The following FRMPD1 variants were observed in gnomAD, a reference collection of about 807,000 sequenced individuals.
FRMPD1 encodes FERM and PDZ domain containing 1.
Under a neutral mutation model 117.8 loss-of-function variants are expected in FRMPD1, and 76 were observed. The observed-to-expected ratio is 0.65, with a 90% confidence interval of 0.54 to 0.78. FRMPD1 has a LOEUF of 0.78. Among genes scored for constraint, FRMPD1 ranks in the 30% least tolerant of loss-of-function variants. FRMPD1 has a pLI of 0.00. For synonymous variants in FRMPD1, 783 were observed against 770.4 expected (o/e 1.02, Z -0.27); for missense variants, 1,786 against 1,964.5 (o/e 0.91, Z 1.72).
At chr9:37,654,215 A>G (rs554283059) in intron 1 of FRMPD1, among the ~76,000 whole-genome samples, 38 of 152,338 alleles carry the variant, frequency 2.5e-4, no homozygotes, top group Admixed American at 3.9e-4. Flanking sequence ...TAAGGTAACT[A>G]CAGGTTGTGC....
intron 2 of FRMPD1, among the ~76,000 whole-genome samples, chr9:37,697,656 T>C (rs1033795952): frequency 6.6e-6 from 1 of 152,192 alleles, no homozygotes; most frequent in African/African-American, 2.4e-5. Flanking sequence ...AATAATGCAA[T>C]GCAAACTGCT....
rs149646564 is a variant in FRMPD1 at position 37,707,456 on chromosome 9, A to G, written c.142A>G (p.Thr48Ala). 5.6e-6 allele frequency: 9 copies of G among 1,613,984 alleles called. No homozygotes were observed. In the African/African-American group the frequency reaches 6.7e-5, roughly 12 times the overall value. The part of the protein sequence containing the change: ...AAADGPARNP[T>A]QTLIPVRHTV... The stretch of plus-strand genomic sequence containing the variant: ...AGCTGATGGGCCCGCCAGGAACCCA[A>G]CTCAGACCCTCATCCCTGTGCGACA... Residue 48 changes from threonine to alanine, a missense_variant, in exon 3 of 16, where the codon ACT becomes GCT. Physicochemically the swap from Thr to Ala is moderately conservative, Grantham distance 58 (BLOSUM62 0). Transcript: ENST00000377765.
intron 2 of FRMPD1, among the ~76,000 whole-genome samples, chr9:37,697,515 C>A (rs1380252108): frequency 4.0e-5 from 6 of 151,300 alleles, no homozygotes; most frequent in African/African-American, 1.5e-4. Flanking sequence ...TGCAGTGAGC[C>A]GAGATAGCGC....
the FRMPD1 span, among the ~76,000 whole-genome samples, chr9:37,626,395 C>T: frequency 2.0e-5 from 3 of 149,312 alleles, no homozygotes; most frequent in African/African-American, 7.4e-5. Flanking sequence ...GTCCCAGCTA[C>T]TTGGGAGGCT....
At position 37,698,425 on chromosome 9, in the gene FRMPD1, G is replaced by A. The variant is rs531401403; in HGVS notation, c.101+5683G>A. On this transcript the variant is annotated intron_variant, in intron 2 of 15. Transcript: ENST00000377765. ...CCTTTATTGTATGTGAAATTCTGGC[G>A]TCTGTGAGTGGGAGATTGGACCTGT... Among the ~76,000 whole-genome samples the A allele has an allele frequency of 7.2e-5, 11 of 151,962 alleles. No homozygotes were observed. The East Asian group carries it at 1.2e-3, about 16-fold the overall frequency.
intron 1 of FRMPD1, among the ~76,000 whole-genome samples, chr9:37,679,015 C>G (rs886947688): frequency 6.6e-6 from 1 of 152,258 alleles, no homozygotes; most frequent in Admixed American, 6.5e-5. Context: ...CTCCCCTGAC[C>G]TAGAGGTGAT....
chr9:37,739,721 A>G (rs1824292209), intron 14 of FRMPD1, among the ~76,000 whole-genome samples: 1 of 152,214 alleles, frequency 6.6e-6, no homozygotes, highest in African/African-American at 2.4e-5. Context: ...CAGGCAGGAT[A>G]GAACTGAGGT....
Position 37,744,969 on chromosome 9 carries a change from A to C in FRMPD1, c.2937A>C (p.Pro979=), listed in dbSNP as rs1588977811. The C allele has an allele frequency of 6.2e-7, 1 of 1,614,200 alleles. No homozygotes were observed. Among genetic ancestry groups the C allele is most frequent in the East Asian group, 2.2e-5 (1 of 44,888 alleles). ...GTTCTAACCCAGGTTCATCTGGCCC[A>C]GATACTGCTCAGGCAAGGCCTTCCC... ...PHCSNPGSSG[P]DTAQARPSQI... is the part of the protein sequence containing the mutation. The change falls in exon 16 of 16, where the codon CCA becomes CCC. Residue 979 remains proline, a synonymous_variant. Coordinates refer to ENST00000377765, the MANE Select transcript of FRMPD1 (RefSeq NM_014907.3).
rs1463014388 is a variant in FRMPD1 at position 37,728,677 on chromosome 9, T to C, written c.613-1051T>C. On this transcript the variant is annotated intron_variant, in intron 7 of 15. Transcript: ENST00000377765. ...ACTGGGGTTCAAAAGTGTCCCTCAG[T>C]TGTGGCTGGACGTGGTGGCTCATTC... is the stretch of plus-strand genomic sequence containing the variant. Among the ~76,000 whole-genome samples the C allele has an allele frequency of 2.6e-5, 4 of 152,092 alleles. No homozygotes were observed. In the East Asian group the frequency reaches 7.7e-4, roughly 29 times the overall value.
intron 5 of FRMPD1, among the ~76,000 whole-genome samples, chr9:37,713,601 A>G (rs1822991541): frequency 6.7e-6 from 1 of 148,198 alleles, no homozygotes; most frequent in Non-Finnish European, 1.5e-5. Flanking sequence ...ATATATATGT[A>G]GAGAGAGAGA....
the FRMPD1 span, among the ~76,000 whole-genome samples, chr9:37,633,276 A>G: frequency 6.6e-6 from 1 of 152,078 alleles, no homozygotes; most frequent in Admixed American, 6.6e-5. Context: ...CTTGATCTCA[A>G]GTGATTCGCC....
chr9:37,622,755 A>G, the FRMPD1 span, among the ~76,000 whole-genome samples: 1 of 152,236 alleles, frequency 6.6e-6, no homozygotes, highest in Non-Finnish European at 1.5e-5. Context: ...AAATAAATAC[A>G]TTGCAGTAGT....
intron 1 of FRMPD1, among the ~76,000 whole-genome samples, chr9:37,687,616 C>T (rs1036748025): frequency 1.3e-5 from 2 of 152,178 alleles, no homozygotes; most frequent in African/African-American, 4.8e-5. Flanking sequence ...ACACTATAAC[C>T]TACATTCTTG....
chr9:37,735,782 C>A, intron 13 of FRMPD1, 48 bp downstream of exon 13: 1 of 1,350,624 alleles, frequency 7.4e-7, no homozygotes, highest in Non-Finnish European at 1.1e-6. Flanking sequence ...GAATTTGGGG[C>A]CAAATAGGGG....
At chr9:37,736,531 CA>C (rs57388208) in intron 13 of FRMPD1, among the ~76,000 whole-genome samples, 23,918 of 88,512 alleles carry the variant, frequency 0.27, 1,957 homozygotes, top group African/African-American at 0.31. Context: ...AACTCTGTCT[CA>C]AAAAAAAAAA....
At chr9:37,724,374 G>T in intron 7 of FRMPD1, 54 bp downstream of exon 7, 1 of 925,644 alleles carries the variant, frequency 1.1e-6, no homozygotes. Flanking sequence ...CTGGCTGCTA[G>T]GACCCCCCAG....
At chr9:37,690,358 A>G (rs190175793) in intron 1 of FRMPD1, among the ~76,000 whole-genome samples, 1 of 152,136 alleles carries the variant, frequency 6.6e-6, no homozygotes, top group Admixed American at 6.5e-5. Flanking sequence ...CATGAATATA[A>G]TACTTTATCT....
the FRMPD1 span, among the ~76,000 whole-genome samples, chr9:37,609,605 C>T: frequency 1.3e-5 from 2 of 152,202 alleles, no homozygotes; most frequent in South Asian, 2.1e-4. Context: ...TCCTCTTTCA[C>T]CCGGATGATT....
Position 37,740,758 on chromosome 9 carries a change from G to A in FRMPD1, c.2230G>A (p.Glu744Lys), listed in dbSNP as rs1824365886. Residue 744 changes from glutamate to lysine, a missense_variant, in exon 15 of 16, where the codon GAG becomes AAG. Coordinates refer to ENST00000377765, the MANE Select transcript of FRMPD1 (RefSeq NM_014907.3). This position sits in a 1 kb window ranked among gnomAD's most constrained non-coding sequence, Gnocchi z 4.2. ...AGCCTGGGGTCAGCAGGGCTGGACT[G>A]AGGCCCAGCCCAGTTCCATGCTGGA... is the stretch of plus-strand genomic sequence containing the variant. ...PPAWGQQGWT[E>K]AQPSSMLEPL... is the part of the protein sequence containing the mutation. 5 of 1,614,014 alleles carry A rather than the reference G, an allele frequency of 3.1e-6. No individual in the cohort carries two copies. Among genetic ancestry groups the A allele is most frequent in the Non-Finnish European group, 4.2e-6 (5 of 1,179,876 alleles).
Sources: gnomAD v4.1 joint callset for allele counts (sites outside exome capture counted in the v4.1 genomes callset) on GRCh38, gnomAD v4.1.1 for gene constraint, Gnocchi (gnomAD v3.1) non-coding constraint, MANE v1.5 for transcripts, NCBI Gene and HGNC (gene_info 2026-07-23, HGNC 2026-07-21) for gene names.